The following CFAP206 variants were observed in gnomAD, a reference collection of about 807,000 sequenced individuals.
CFAP206 encodes the protein cilia and flagella associated protein 206, also known as cilia- and flagella-associated protein 206.
In CFAP206, 53 loss-of-function variants were observed where a neutral mutation model predicts 65.4. The observed-to-expected ratio is 0.81, with a 90% confidence interval of 0.65 to 1.02. The LOEUF is 1.02. Ranked by LOEUF, CFAP206 falls within the 50% of genes least tolerant of loss-of-function variation. CFAP206 has a pLI of 0.00. For synonymous variants in CFAP206, 250 were observed against 254.4 expected (o/e 0.98, Z 0.17); for missense variants, 663 against 753.2 (o/e 0.88, Z 1.40).
chr6:87,424,489 G>A (rs528995252), intron 7 of CFAP206, among the ~76,000 whole-genome samples: 1 of 152,192 alleles, frequency 6.6e-6, no homozygotes, highest in South Asian at 2.1e-4. Context: ...GTGTTAGCCA[G>A]GATGGTCTCG....
intron 11 of CFAP206, among the ~76,000 whole-genome samples, chr6:87,437,113 GCGT>G (rs1478658878): frequency 6.6e-6 from 1 of 152,132 alleles, no homozygotes; most frequent in African/African-American, 2.4e-5. Flanking sequence ...GGGATTACAG[GCGT>G]CTGCCAACAT....
In CFAP206 at chr6:87,434,934, T is replaced by C; in HGVS notation, c.1375T>C (p.Phe459Leu). The C allele has an allele frequency of 6.4e-7, 1 of 1,565,900 alleles. No homozygotes were observed. The highest frequency in any genetic ancestry group is 8.8e-7 in the Non-Finnish European group (1 of 1,141,208). ...CAATAGTAAAGATGCTGCATATTCA[T>C]TTGCAGAAAATCCTGAACATTATAT... The part of the protein sequence containing the change: ...TFNSKDAAYS[F>L]AENPEHYIDI... The change falls in exon 11 of 13, where the codon TTT becomes CTT. Residue 459 changes from phenylalanine to leucine, a missense_variant. By Grantham distance (22) the Phe-to-Leu change is conservative. Transcript: ENST00000369562.
chr6:87,423,430 A>G (rs1767983844), intron 7 of CFAP206, among the ~76,000 whole-genome samples: 1 of 150,510 alleles, frequency 6.6e-6, no homozygotes. Context: ...TTGTACTCTT[A>G]GTAGAGATGG....
intron 8 of CFAP206, 100 bp downstream of exon 8, chr6:87,426,745 TATA>T: frequency 4.2e-6 from 4 of 954,704 alleles, no homozygotes; most frequent in Non-Finnish European, 4.2e-6. Context: ...TTTCTAAAAA[TATA>T]ATGTTTTGTA....
At chr6:87,455,561 G>T (rs748781478) in intron 11 of CFAP206, among the ~76,000 whole-genome samples, 1 of 151,910 alleles carries the variant, frequency 6.6e-6, no homozygotes, top group African/African-American at 2.4e-5. Context: ...AAATGAAAAG[G>T]TACTTTTTTT....
intron 12 of CFAP206, among the ~76,000 whole-genome samples, chr6:87,463,236 A>G (rs1281193561): frequency 6.6e-6 from 1 of 152,216 alleles, no homozygotes; most frequent in African/African-American, 2.4e-5. Context: ...CTTAGGCAAG[A>G]GTCTCTTGGA....
At position 87,428,815 on chromosome 6, in the gene CFAP206, G is replaced by C; in HGVS notation, c.1150G>C (p.Glu384Gln). 1 of 1,612,738 alleles carries C rather than the reference G, an allele frequency of 6.2e-7. No individual in the cohort carries two copies. The highest frequency in any genetic ancestry group is 8.5e-7 in the Non-Finnish European group (1 of 1,178,734). ...TVKTDVCRMK[E>Q]HMEDRVNVAD... ...GAAAACTGATGTGTGTAGAATGAAA[G>C]AACACATGGGTAATGAAAATCATCC... The change falls in exon 9 of 13, where the codon GAA (glutamate) becomes CAA (glutamine). Residue 384 changes from glutamate (E) to glutamine (Q), a missense_variant. By Grantham distance (29) the Glu-to-Gln change is conservative. Transcript: ENST00000369562.
At chr6:87,429,113 C>A (rs1391401317) in intron 9 of CFAP206, among the ~76,000 whole-genome samples, 1 of 151,948 alleles carries the variant, frequency 6.6e-6, no homozygotes, top group Non-Finnish European at 1.5e-5. Context: ...GTAATCCCAG[C>A]TACTGGGGAG....
chr6:87,452,989 C>CG (rs1288782234), intron 11 of CFAP206, among the ~76,000 whole-genome samples: 1 of 151,818 alleles, frequency 6.6e-6, no homozygotes, highest in Non-Finnish European at 1.5e-5. Context: ...GGTTATAAAA[C>CG]GTCAAGCAGA....
At chr6:87,454,063 G>A (rs1768589601) in intron 11 of CFAP206, among the ~76,000 whole-genome samples, 1 of 151,952 alleles carries the variant, frequency 6.6e-6, no homozygotes, top group Non-Finnish European at 1.5e-5. Flanking sequence ...CCATGCAAAT[G>A]AAAACCAAAA....
intron 6 of CFAP206, 137 bp from the exon 7 acceptor site, chr6:87,418,071 A>C (rs1290350243): frequency 1.3e-6 from 1 of 760,912 alleles, no homozygotes; most frequent in Admixed American, 2.6e-5. Flanking sequence ...CCCAGGAAAC[A>C]CATGCCTCAT....
intron 12 of CFAP206, among the ~76,000 whole-genome samples, chr6:87,463,665 A>G (rs1333820902): frequency 6.6e-6 from 1 of 152,190 alleles, no homozygotes; most frequent in African/African-American, 2.4e-5. Flanking sequence ...TATTTTTGTT[A>G]AAAGAAAACA....
chr6:87,410,948 G>A (rs898476568), intron 3 of CFAP206, among the ~76,000 whole-genome samples: 1 of 152,222 alleles, frequency 6.6e-6, no homozygotes, highest in Non-Finnish European at 1.5e-5. Context: ...GGCAAAATAT[G>A]TGTGCCAATT....
intron 12 of CFAP206, 42 bp downstream of exon 12, chr6:87,461,207 A>G (rs1768743132): frequency 7.4e-7 from 1 of 1,348,540 alleles, no homozygotes; most frequent in Non-Finnish European, 1.0e-6. Context: ...ATGTTGGGGA[A>G]TTTTAATCTA....
intron 9 of CFAP206, 26 bp from the exon 10 acceptor site, chr6:87,431,007 G>A: frequency 6.2e-7 from 1 of 1,607,906 alleles, no homozygotes; most frequent in South Asian, 1.1e-5. Flanking sequence ...CTGAATTAAA[G>A]CTTTTCTTCT....
At chr6:87,412,197 A>G (rs1767745976) in intron 3 of CFAP206, among the ~76,000 whole-genome samples, 2 of 152,232 alleles carry the variant, frequency 1.3e-5, no homozygotes, top group African/African-American at 4.8e-5. Context: ...TTTCTCAACT[A>G]AAAATCATGT....
rs762826837 is a variant in CFAP206 at position 87,434,918 on chromosome 6, A to C, written c.1359A>C (p.Lys453Asn). ...YKEKYYTFNS[K>N]DAAYSFAENP... ...AAAAATATTACACATTCAATAGTAA[A>C]GATGCTGCATATTCATTTGCAGAAA... The change falls in exon 11 of 13, where the codon AAA becomes AAC. Residue 453 changes from lysine to asparagine, a missense_variant. Coordinates refer to ENST00000369562, the MANE Select transcript of CFAP206 (RefSeq NM_001031743.3). 5.2e-6 allele frequency: 8 copies of C among 1,536,728 alleles called. No homozygotes were observed. Among genetic ancestry groups the C allele is most frequent in the Non-Finnish European group, 6.3e-6 (7 of 1,119,106 alleles).
Position 87,463,920 on chromosome 6 carries a change from T to C in CFAP206, c.1639-100T>C, listed in dbSNP as rs1402615422. The C allele has an allele frequency of 6.0e-6, 5 of 830,396 alleles. No homozygotes were observed. In the African/African-American group the frequency reaches 8.5e-5, roughly 14 times the overall value. The allele number at this position is 830,396 out of a possible 1,614,324, so 51.4% of individuals were successfully genotyped here. On this transcript the variant is annotated intron_variant, in intron 12 of 12. Coordinates refer to ENST00000369562, the MANE Select transcript of CFAP206 (RefSeq NM_001031743.3). ...TGTTATGGAATTAATTTCTTGTGGA[T>C]TGAAGACAAAAATAGGCAGATATTA...
At chr6:87,423,633 T>C (rs2127950076) in intron 7 of CFAP206, among the ~76,000 whole-genome samples, 1 of 152,370 alleles carries the variant, frequency 6.6e-6, no homozygotes, top group East Asian at 1.9e-4. Context: ...TATGCAAATG[T>C]ATTCCTGTTT....
Sources: gnomAD v4.1 joint callset for allele counts (sites outside exome capture counted in the v4.1 genomes callset) on GRCh38, gnomAD v4.1.1 for gene constraint, MANE v1.5 for transcripts, NCBI Gene and HGNC (gene_info 2026-07-23, HGNC 2026-07-21) for gene names.